The following CERKL variants were observed in gnomAD, a reference collection of about 807,000 sequenced individuals.
CERKL encodes the protein ceramide kinase-like protein.
A neutral mutation model predicts 63.4 loss-of-function variants in CERKL; 61 were observed. That is an observed-to-expected ratio of 0.96 (90% CI 0.78 to 1.19). The LOEUF (loss-of-function observed/expected upper bound fraction) is 1.19, where lower values mean the gene tolerates loss of function less well. CERKL is among the 50% of genes most tolerant of loss of function. The probability of loss-of-function intolerance (pLI) is 0.00; values close to 1 mark genes in which losing one functional copy is unlikely to be tolerated. For synonymous variants in CERKL, 250 were observed against 230.5 expected (o/e 1.08, Z -0.77); for missense variants, 675 against 655.5 (o/e 1.03, Z -0.33).
chr2:181,549,988 T>C (rs1386382868), intron 5 of CERKL, among the ~76,000 whole-genome samples: 1 of 152,176 alleles, frequency 6.6e-6, no homozygotes, highest in Non-Finnish European at 1.5e-5. Flanking sequence ...CGAATGTCTA[T>C]TTTCTACCTC....
chr2:181,619,670 G>C (rs1034543267), intron 1 of CERKL, among the ~76,000 whole-genome samples: 5 of 152,102 alleles, frequency 3.3e-5, no homozygotes, highest in African/African-American at 1.2e-4. Context: ...GCACATGGAA[G>C]GCTTTCTTGA....
Position 181,592,357 on chromosome 2 carries a change from A to G in CERKL, c.481+11480T>C, listed in dbSNP as rs112921164. Among the ~76,000 whole-genome samples the G allele has an allele frequency of 2.8e-3, 423 of 152,320 alleles. 3 individuals carry two copies. The highest frequency in any genetic ancestry group is 9.2e-3 in the African/African-American group (382 of 41,574). On this transcript the variant is annotated intron_variant, in intron 2 of 12. Transcript: ENST00000410087. ...TGGTATCAACTATATAACTAATATG[A>G]GCAAAGTTTATTGTTTTAACCAGAA...
chr2:181,560,943 T>C (rs1483729560), intron 4 of CERKL, among the ~76,000 whole-genome samples: 1 of 152,198 alleles, frequency 6.6e-6, no homozygotes, highest in East Asian at 1.9e-4. Context: ...AAATAAGTTT[T>C]GTAAAACAAA....
At chr2:181,650,235 T>C (rs1199315184) in intron 1 of CERKL, among the ~76,000 whole-genome samples, 1 of 152,028 alleles carries the variant, frequency 6.6e-6, no homozygotes, top group African/African-American at 2.4e-5. Context: ...TCACAAATCA[T>C]GGAGACAAAA....
chr2:181,540,734 T>C (rs1372526026), intron 11 of CERKL, among the ~76,000 whole-genome samples: 1 of 152,182 alleles, frequency 6.6e-6, no homozygotes, highest in African/African-American at 2.4e-5. Context: ...AAGTGGGACT[T>C]TCGGGAGCCA....
intron 1 of CERKL, among the ~76,000 whole-genome samples, chr2:181,605,750 G>A (rs1685649947): frequency 6.6e-6 from 1 of 152,094 alleles, no homozygotes. Context: ...GAAAACATAT[G>A]AACCAAAATA....
intron 1 of CERKL, among the ~76,000 whole-genome samples, chr2:181,640,488 C>G (rs951891261): frequency 2.6e-5 from 4 of 152,148 alleles, no homozygotes; most frequent in African/African-American, 7.2e-5. Flanking sequence ...GAAATGTAAT[C>G]TAATAACCCA....
At chr2:181,569,414 G>A (rs1029837124) in intron 3 of CERKL, among the ~76,000 whole-genome samples, 2 of 152,122 alleles carry the variant, frequency 1.3e-5, no homozygotes, top group South Asian at 4.1e-4. Context: ...GATTTAGAAA[G>A]GCAAGAGGCA....
intron 12 of CERKL, 55 bp from the exon 13 acceptor site, chr2:181,538,299 C>T (rs1687302020): frequency 1.9e-6 from 2 of 1,026,238 alleles, no homozygotes; most frequent in South Asian, 1.3e-5. Context: ...TCACATACAC[C>T]TAATAAGTAT....
At chr2:181,541,188 T>C (rs1053162989) in intron 11 of CERKL, among the ~76,000 whole-genome samples, 5 of 152,126 alleles carry the variant, frequency 3.3e-5, no homozygotes, top group Non-Finnish European at 7.4e-5. Flanking sequence ...CTGGTGTCCT[T>C]ATAAGAAGAG....
chr2:181,551,923 A>G (rs1032807894), intron 5 of CERKL, among the ~76,000 whole-genome samples: 1 of 152,100 alleles, frequency 6.6e-6, no homozygotes, highest in African/African-American at 2.4e-5. Context: ...AGCATTTTGG[A>G]TTTTAAGTCT....
rs1559063931 is a variant in CERKL at position 181,537,498 on chromosome 2, C to CAGGT, written c.*682_*685dup. On this transcript the variant is annotated 3_prime_UTR_variant, in exon 13 of 13. Transcript: ENST00000410087. ...ACAGGGATGGGTTATTCTTTTTTGG[C>CAGGT]AGGTAGGCTATATAACTATGTGATT... is the stretch of plus-strand genomic sequence containing the variant. 2 of 453,374 alleles carry CAGGT rather than the reference C, an allele frequency of 4.4e-6. No homozygotes were observed. Among genetic ancestry groups the CAGGT allele is most frequent in the Non-Finnish European group, 8.8e-6 (2 of 226,470 alleles). The allele number at this position is 453,374 out of a possible 1,614,324, so 28.1% of individuals were successfully genotyped here.
intron 2 of CERKL, among the ~76,000 whole-genome samples, chr2:181,591,232 G>A (rs1299555751): frequency 6.6e-6 from 1 of 152,002 alleles, no homozygotes; most frequent in Non-Finnish European, 1.5e-5. Flanking sequence ...TTTCAAATAG[G>A]AATATAAGTA....
At chr2:181,561,409 CAAA>C (rs3060971) in intron 4 of CERKL, among the ~76,000 whole-genome samples, 2 of 122,962 alleles carry the variant, frequency 1.6e-5, no homozygotes, top group Admixed American at 8.1e-5. Flanking sequence ...GAATTTATCT[CAAA>C]AAAAAAAAAA....
chr2:181,636,442 TA>T (rs1559117709), intron 1 of CERKL, among the ~76,000 whole-genome samples: 1 of 151,724 alleles, frequency 6.6e-6, no homozygotes, highest in Non-Finnish European at 1.5e-5. Flanking sequence ...AGCCCATTTA[TA>T]ATCTATCCTG....
At chr2:181,549,529 A>C in intron 6 of CERKL, 105 bp downstream of exon 6, 1 of 902,822 alleles carries the variant, frequency 1.1e-6, no homozygotes, top group Non-Finnish European at 1.8e-6. Context: ...ACTCTAAGAG[A>C]CAAAGAACCT....
At chr2:181,646,528 T>C (rs1305709995) in intron 1 of CERKL, among the ~76,000 whole-genome samples, 2 of 152,186 alleles carry the variant, frequency 1.3e-5, no homozygotes, top group Non-Finnish European at 2.9e-5. Flanking sequence ...TTACTAAATA[T>C]ATGGCACTTC....
At chr2:181,586,762 G>T (rs1684785570) in intron 2 of CERKL, among the ~76,000 whole-genome samples, 1 of 152,146 alleles carries the variant, frequency 6.6e-6, no homozygotes, top group Admixed American at 6.6e-5. Context: ...GAAGGGTGGG[G>T]GTTAATCAGG....
chr2:181,606,582 T>G (rs375986339), intron 1 of CERKL, among the ~76,000 whole-genome samples: 66 of 81,448 alleles, frequency 8.1e-4, no homozygotes, highest in Middle Eastern at 7.4e-3. Flanking sequence ...AGGGGGAGGG[T>G]AGGGAAGAGG....
Sources: gnomAD v4.1 joint callset for allele counts (sites outside exome capture counted in the v4.1 genomes callset) on GRCh38, gnomAD v4.1.1 for gene constraint, MANE v1.5 for transcripts, NCBI Gene and HGNC (gene_info 2026-07-23, HGNC 2026-07-21) for gene names.